Variants in GOLM2 observed in about 807,000 individuals in gnomAD.
GOLM2 encodes the protein golgi membrane protein 2.
Under a neutral mutation model 55.9 loss-of-function variants are expected in GOLM2, and 26 were observed. The ratio of observed to expected loss-of-function variants is 0.47; its 90% CI spans 0.34 to 0.65. The LOEUF is 0.65. GOLM2 is among the 30% of genes least tolerant of loss of function. The pLI is 0.01. For missense variants in GOLM2, 486 were observed against 531.8 expected, an observed-to-expected ratio of 0.91 and a Z score of 0.85; for synonymous variants, 165 against 194.6, an observed-to-expected ratio of 0.85 and a Z score of 1.27.
rs2078702372 is a variant in GOLM2, at chr15:44,289,176, G to GCAGGGC, written c.152_157dup (p.Gly51_Gln52dup). On this transcript the variant is annotated inframe_insertion, in exon 1 of 10. Coordinates refer to ENST00000299957, the MANE Select transcript of GOLM2 (RefSeq NM_138423.4). The surrounding 1 kb of genome is among the most constrained non-coding windows in gnomAD (Gnocchi z 4.8). ...TGCTTCAGGAGGAGGTGGCCGAGCT[G>GCAGGGC]CAGGGCCAGGTCCAGCGCACCGAAG... 2 of 1,614,092 alleles carry GCAGGGC rather than the reference G, an allele frequency of 1.2e-6. No homozygotes were observed. Among genetic ancestry groups the GCAGGGC allele is most frequent in the Non-Finnish European group, 1.7e-6 (2 of 1,180,038 alleles).
intron 1 of GOLM2, among the ~76,000 whole-genome samples, chr15:44,321,588 A>G (rs2078950094): frequency 1.3e-5 from 2 of 152,154 alleles, no homozygotes; most frequent in Admixed American, 6.5e-5. Context: ...TTTTAAAATG[A>G]CATAGAGCTA....
At chr15:44,322,335 G>A (rs2078956229) in intron 1 of GOLM2, among the ~76,000 whole-genome samples, 1 of 152,118 alleles carries the variant, frequency 6.6e-6, no homozygotes, top group Non-Finnish European at 1.5e-5. Context: ...CCACTGCACC[G>A]CAGCCTGGGC....
intron 1 of GOLM2, among the ~76,000 whole-genome samples, chr15:44,300,445 C>A (rs1294434934): frequency 6.6e-6 from 1 of 151,928 alleles, no homozygotes; most frequent in East Asian, 1.9e-4. Flanking sequence ...TCTGTTTTTT[C>A]TTACTCTCCT....
chr15:44,344,635 G>A (rs1339049503), intron 6 of GOLM2, among the ~76,000 whole-genome samples: 1 of 151,810 alleles, frequency 6.6e-6, no homozygotes, highest in Non-Finnish European at 1.5e-5. Context: ...CTGTCATCCA[G>A]GCTAGAGTAC....
In GOLM2 at chr15:44,346,476, C is replaced by T. The variant is rs150243475; in HGVS notation, c.802+8159C>T. ...TCTAGACAGATTCTCTAGATCTATA[C>T]TGTATTAATGCAGTAGCCATTGGTC... On this transcript the variant is annotated intron_variant, in intron 6 of 9. Transcript: ENST00000299957. Among the ~76,000 whole-genome samples, 648 of 152,288 alleles carry T rather than the reference C, an allele frequency of 4.3e-3. 2 individuals are homozygous for T. The highest frequency in any genetic ancestry group is 7.5e-3 in the Non-Finnish European group (508 of 68,016).
chr15:44,377,626 G>C (rs963117596), intron 6 of GOLM2, among the ~76,000 whole-genome samples: 7 of 151,978 alleles, frequency 4.6e-5, no homozygotes, highest in Admixed American at 2.0e-4. Flanking sequence ...CACATGCCTC[G>C]GTCTTTCAAA....
intron 2 of GOLM2, among the ~76,000 whole-genome samples, chr15:44,326,960 CTTT>C (rs778580607): frequency 7.6e-6 from 1 of 131,998 alleles, no homozygotes; most frequent in Non-Finnish European, 1.6e-5. Context: ...CCAACATCTG[CTTT>C]TTTTTTTTTT....
intron 6 of GOLM2, among the ~76,000 whole-genome samples, chr15:44,357,776 A>G (rs1212764963): frequency 6.6e-6 from 1 of 152,230 alleles, no homozygotes; most frequent in African/African-American, 2.4e-5. Context: ...AGAATTTGGA[A>G]TTAAAAATAC....
intron 1 of GOLM2, among the ~76,000 whole-genome samples, chr15:44,317,075 G>A (rs1241303715): frequency 1.3e-5 from 2 of 152,176 alleles, no homozygotes; most frequent in Admixed American, 6.5e-5. Context: ...GTTCAGGGAA[G>A]CTGAAGCCAC....
At chr15:44,369,067 TTATATATATATA>T (rs58317520) in intron 6 of GOLM2, among the ~76,000 whole-genome samples, 609 of 22,962 alleles carry the variant, frequency 0.027, 19 homozygotes, top group Non-Finnish European at 0.036. Context: ...ATAGGATATA[TTATATATATATA>T]TATATATATA....
At chr15:44,357,523 T>G (rs1375009326) in intron 6 of GOLM2, among the ~76,000 whole-genome samples, 1 of 152,182 alleles carries the variant, frequency 6.6e-6, no homozygotes, top group Non-Finnish European at 1.5e-5. Context: ...CCACTCCTTT[T>G]TAATATTATA....
intron 2 of GOLM2, among the ~76,000 whole-genome samples, chr15:44,325,082 G>A (rs2078972830): frequency 6.6e-6 from 1 of 152,082 alleles, no homozygotes; most frequent in Non-Finnish European, 1.5e-5. Flanking sequence ...TGTTACATAG[G>A]TAAACATGTG....
chr15:44,390,871 C>T (rs1170798470), intron 8 of GOLM2, among the ~76,000 whole-genome samples: 1 of 151,994 alleles, frequency 6.6e-6, no homozygotes, highest in Admixed American at 6.6e-5. Flanking sequence ...GCTCAGCCCC[C>T]TTTTCTAAGG....
At position 44,337,925 on chromosome 15, in the gene GOLM2, C is replaced by A. The variant is rs1567029234; in HGVS notation, c.721+18C>A. On this transcript the variant is annotated intron_variant, in intron 5 of 9. Transcript: ENST00000299957. ...TGGGAAAGGTATTATTGTTATTATT[C>A]TTTTGTTTTGTATTAATAGGATATT... The A allele has an allele frequency of 6.4e-7, 1 of 1,571,390 alleles. No homozygotes were observed. The highest frequency in any genetic ancestry group is 1.2e-5 in the South Asian group (1 of 83,548).
intron 1 of GOLM2, among the ~76,000 whole-genome samples, chr15:44,312,982 G>C (rs866327493): frequency 6.6e-6 from 1 of 152,118 alleles, no homozygotes; most frequent in Non-Finnish European, 1.5e-5. Flanking sequence ...GGGAGGCCGA[G>C]ACAGGAGAAT....
At chr15:44,407,074 TA>T (rs2079601830) in intron 9 of GOLM2, among the ~76,000 whole-genome samples, 1 of 147,102 alleles carries the variant, frequency 6.8e-6, no homozygotes, top group South Asian at 2.1e-4. Context: ...AAACAATATA[TA>T]AAATATATTC....
intron 9 of GOLM2, among the ~76,000 whole-genome samples, chr15:44,403,960 T>C (rs2079582106): frequency 6.6e-6 from 1 of 152,220 alleles, no homozygotes; most frequent in South Asian, 2.1e-4. Flanking sequence ...TTCACTGTGT[T>C]ACTTCTGCTG....
At chr15:44,368,303 A>ATT (rs1245673474) in intron 6 of GOLM2, among the ~76,000 whole-genome samples, 1,194 of 115,618 alleles carry the variant, frequency 0.01, 14 homozygotes, top group East Asian at 0.035. Context: ...ACGCCCAGCT[A>ATT]TTTTTTTTTT....
chr15:44,395,947 GTTCA>G, intron 8 of GOLM2, among the ~76,000 whole-genome samples: 1 of 152,224 alleles, frequency 6.6e-6, no homozygotes, highest in Non-Finnish European at 1.5e-5. Context: ...ATTTATAAGT[GTTCA>G]TTTATTTATA....
Sources: gnomAD v4.1 joint callset for allele counts (sites outside exome capture counted in the v4.1 genomes callset) on GRCh38, gnomAD v4.1.1 for gene constraint, Gnocchi (gnomAD v3.1) non-coding constraint, MANE v1.5 for transcripts, NCBI Gene and HGNC (gene_info 2026-07-23, HGNC 2026-07-21) for gene names.